DIS3L: variants seen among roughly 807,000 people sequenced by gnomAD.
DIS3L encodes the protein DIS3-like exonuclease 1.
Under a neutral mutation model 120.3 loss-of-function variants are expected in DIS3L, and 100 were observed. The observed-to-expected ratio is 0.83, with a 90% confidence interval of 0.71 to 0.98. The LOEUF (loss-of-function observed/expected upper bound fraction) is 0.98. DIS3L is among the 50% of genes least tolerant of loss of function. The pLI, the probability that DIS3L is intolerant of heterozygous loss-of-function variation, is 0.00. For synonymous variants in DIS3L, 426 were observed against 470.6 expected, an observed-to-expected ratio of 0.91 and a Z score of 1.23; for missense variants, 1,196 against 1,314.2, an observed-to-expected ratio of 0.91 and a Z score of 1.39.
At chr15:66,324,631 TGA>T (rs2092918018) in intron 11 of DIS3L, among the ~76,000 whole-genome samples, 1 of 152,232 alleles carries the variant, frequency 6.6e-6, no homozygotes, top group South Asian at 2.1e-4. Context: ...CACCAATGTA[TGA>T]GAGTGCATAT....
chr15:66,331,480 A>T, intron 14 of DIS3L: 1 of 152,766 alleles, frequency 6.5e-6, no homozygotes, highest in Non-Finnish European at 1.5e-5. Context: ...ACGTGAACCC[A>T]GGAGGTAGAG....
chr15:66,296,875 A>G (rs2092593127), intron 2 of DIS3L, among the ~76,000 whole-genome samples: 1 of 152,180 alleles, frequency 6.6e-6, no homozygotes, highest in African/African-American at 2.4e-5. Context: ...CTGGGGTTAG[A>G]TAGAAGAAAC....
intron 7 of DIS3L, among the ~76,000 whole-genome samples, chr15:66,317,271 G>C (rs1595743523): frequency 7.0e-6 from 1 of 143,702 alleles, no homozygotes; most frequent in Admixed American, 7.2e-5. Context: ...GACTTTGCCT[G>C]TTATGGTGCT....
intron 3 of DIS3L, among the ~76,000 whole-genome samples, chr15:66,307,825 T>C (rs1298625280): frequency 6.6e-6 from 1 of 152,106 alleles, no homozygotes; most frequent in Non-Finnish European, 1.5e-5. Flanking sequence ...AAGGATGTGC[T>C]GCTGCTGTAG....
intron 11 of DIS3L, 48 bp from the exon 12 acceptor site, chr15:66,325,783 G>C: frequency 6.5e-6 from 10 of 1,542,900 alleles, no homozygotes; most frequent in Non-Finnish European, 8.7e-6. Flanking sequence ...AACAAAAAAA[G>C]CCAGATGAAT....
At chr15:66,299,569 C>T (rs2092625415) in intron 2 of DIS3L, among the ~76,000 whole-genome samples, 1 of 147,414 alleles carries the variant, frequency 6.8e-6, no homozygotes, top group South Asian at 2.2e-4. Flanking sequence ...AAAGGGATTA[C>T]TGGGCCAGGT....
rs1331650276 is a variant in DIS3L at position 66,313,779 on chromosome 15, A to ATG, written c.736-250_736-249dup. Among the ~76,000 whole-genome samples the ATG allele has an allele frequency of 1.3e-4, 16 of 125,908 alleles. No homozygotes were observed. The East Asian group carries it at 1.6e-3, about 12-fold the overall frequency. The allele number at this position is 125,908 out of a possible 152,430, so 82.6% of individuals were successfully genotyped here. On this transcript the variant is annotated intron_variant, in intron 5 of 16. Coordinates refer to ENST00000319212, the MANE Select transcript of DIS3L (RefSeq NM_001143688.3). ...TATGTGTGTGTGTGTGTATATATAT[A>ATG]TGTGTGTGTGTATATATATATGTGT...
At position 66,320,595 on chromosome 15, in the gene DIS3L, G is replaced by A. The variant is rs1347600381; in HGVS notation, c.1189G>A (p.Asp397Asn). 8 of 1,613,032 alleles carry A rather than the reference G, an allele frequency of 5.0e-6. No individual in the cohort carries two copies. The highest frequency in any genetic ancestry group is 2.2e-5 in the East Asian group (1 of 44,850). ...LQDFRVVVRI[D>N]SWESTSVYPN... ...GGACTTCAGGGTGGTCGTGCGCATC[G>A]ATTCCTGGGAGTCAACATCTGTGTA... The change falls in exon 9 of 17, where the codon GAT (aspartate) becomes AAT (asparagine). Residue 397 changes from aspartate to asparagine, a missense_variant. Coordinates refer to ENST00000319212, the MANE Select transcript of DIS3L (RefSeq NM_001143688.3).
chr15:66,320,478 C>G, intron 8 of DIS3L, 93 bp from the exon 9 acceptor site: 1 of 1,406,912 alleles, frequency 7.1e-7, no homozygotes, highest in Non-Finnish European at 9.5e-7. Flanking sequence ...TCCTTGGAAC[C>G]CAGTATTGTT....
At chr15:66,320,471 T>C in intron 8 of DIS3L, 100 bp from the exon 9 acceptor site, 1 of 1,370,380 alleles carries the variant, frequency 7.3e-7, no homozygotes, top group Non-Finnish European at 9.8e-7. Context: ...GCCACTCTCC[T>C]TGGAACCCAG....
chr15:66,299,580 A>G (rs1246159716), intron 2 of DIS3L, among the ~76,000 whole-genome samples: 23 of 150,996 alleles, frequency 1.5e-4, no homozygotes, highest in Non-Finnish European at 1.5e-5. Context: ...TGGGCCAGGT[A>G]GAGAAGAGGC....
chr15:66,316,795 A>C (rs1297509935), intron 7 of DIS3L, among the ~76,000 whole-genome samples: 9 of 152,224 alleles, frequency 5.9e-5, no homozygotes, highest in Admixed American at 4.6e-4. Flanking sequence ...AGCCTGGGCA[A>C]GAGAGCAAGA....
Position 66,315,146 on chromosome 15 carries a change from G to T in DIS3L, c.925G>T (p.Val309Leu), listed in dbSNP as rs199923554. 3.1e-6 allele frequency: 5 copies of T among 1,614,112 alleles called. No homozygotes were observed. Among genetic ancestry groups the T allele is most frequent in the Non-Finnish European group, 4.2e-6 (5 of 1,180,008 alleles). ...TAAAAATGAATGGAAAGGAAGAACCGTAGCCCTGTGTGAGAATGACTGTGA... is the reference window on the plus strand; with the variant it reads ...TAAAAATGAATGGAAAGGAAGAACCTTAGCCCTGTGTGAGAATGACTGTGA... ...LPKNEWKGRT[V>L]ALCENDCDDK... Residue 309 changes from valine (V) to leucine (L), a missense_variant, in exon 7 of 17, where the codon GTA (valine) becomes TTA (leucine). Coordinates refer to ENST00000319212, the MANE Select transcript of DIS3L (RefSeq NM_001143688.3).
intron 7 of DIS3L, among the ~76,000 whole-genome samples, chr15:66,317,502 GC>G (rs1482281854): frequency 6.6e-6 from 1 of 152,080 alleles, no homozygotes; most frequent in African/African-American, 2.4e-5. Context: ...GTGAGAGAAG[GC>G]AAGAAAGACT....
intron 2 of DIS3L, among the ~76,000 whole-genome samples, chr15:66,295,657 T>C (rs1653653046): frequency 1.3e-5 from 2 of 152,228 alleles, no homozygotes; most frequent in African/African-American, 4.8e-5. Context: ...CCATAGTCAT[T>C]GTATTTGCTA....
rs1037508700 is a variant in DIS3L at position 66,327,731 on chromosome 15, G to A, written c.2202-1239G>A. ...TGCACTCCAGCCTGGGTGACAGAGC[G>A]AGACTCTGTCTCAAAAATAAATAAA... On this transcript the variant is annotated intron_variant, in intron 12 of 16. Coordinates refer to ENST00000319212, the MANE Select transcript of DIS3L (RefSeq NM_001143688.3). Among the ~76,000 whole-genome samples the A allele has an allele frequency of 4.6e-5, 7 of 151,808 alleles. No homozygotes were observed. In the East Asian group the frequency reaches 9.7e-4, roughly 21 times the overall value.
Position 66,315,071 on chromosome 15 carries a change from G to C in DIS3L, c.850G>C (p.Ala284Pro). 6.2e-7 allele frequency: 1 copy of C among 1,614,078 alleles called. No homozygotes were observed. The highest frequency in any genetic ancestry group is 8.5e-7 in the Non-Finnish European group (1 of 1,179,984). ...VSDILIHGMKARNRSIHGDVV... is the reference protein window; with the variant it reads ...VSDILIHGMKPRNRSIHGDVV... ...TGACATCCTAATCCACGGGATGAAG[G>C]CTCGAAACCGCTCAATTCATGGAGA... is the stretch of plus-strand genomic sequence containing the variant. Residue 284 changes from alanine to proline, a missense_variant, in exon 7 of 17, where the codon GCT (alanine) becomes CCT (proline). Coordinates refer to ENST00000319212, the MANE Select transcript of DIS3L (RefSeq NM_001143688.3).
intron 3 of DIS3L, among the ~76,000 whole-genome samples, chr15:66,307,782 TGAGATG>T (rs571396817): frequency 6.7e-6 from 1 of 149,430 alleles, no homozygotes; most frequent in Non-Finnish European, 1.5e-5. Context: ...GCGGGGAGAG[TGAGATG>T]GAGATGGAGA....
At chr15:66,296,013 C>T (rs2092583101) in intron 2 of DIS3L, among the ~76,000 whole-genome samples, 1 of 152,148 alleles carries the variant, frequency 6.6e-6, no homozygotes, top group African/African-American at 2.4e-5. Context: ...AAAAAACATA[C>T]ATTAACCAGA....
Sources: allele counts gnomAD v4.1 joint callset (sites outside exome capture counted in the v4.1 genomes callset), GRCh38; gene constraint gnomAD v4.1.1; transcripts MANE v1.5; gene names NCBI Gene and HGNC (gene_info 2026-07-23, HGNC 2026-07-21).